The following SMARCD3 variants were observed in gnomAD, a reference collection of about 807,000 sequenced individuals.
The protein encoded by SMARCD3 is SWI/SNF-related matrix-associated actin-dependent regulator of chromatin subfamily D member 3.
In SMARCD3, 14 loss-of-function variants were observed where a neutral mutation model predicts 58.0. That is an observed-to-expected ratio of 0.24 (90% confidence interval 0.16 to 0.38). The LOEUF is 0.38. SMARCD3 is among the 10% of genes least tolerant of loss of function. The pLI, the probability that SMARCD3 is intolerant of heterozygous loss-of-function variation, is 1.00. For synonymous variants in SMARCD3, 253 were observed against 253.8 expected, an observed-to-expected ratio of 1.00 and a Z score of 0.03; for missense variants, 408 against 636.9, an observed-to-expected ratio of 0.64 and a Z score of 3.87.
At chr7:151,270,431 T>C (rs529199936) in intron 2 of SMARCD3, among the ~76,000 whole-genome samples, 2 of 152,296 alleles carry the variant, frequency 1.3e-5, no homozygotes, top group South Asian at 4.1e-4. Context: ...TGCTCATTCA[T>C]TCAAGAAATA....
chr7:151,258,454 A>C (rs1803778373), intron 2 of SMARCD3, among the ~76,000 whole-genome samples: 1 of 151,676 alleles, frequency 6.6e-6, no homozygotes, highest in African/African-American at 2.4e-5. Flanking sequence ...AATCCCAGCT[A>C]CTTGGGAGGC....
chr7:151,276,412 G>A (rs763256415), intron 1 of SMARCD3, among the ~76,000 whole-genome samples: 1 of 147,668 alleles, frequency 6.8e-6, no homozygotes, highest in Non-Finnish European at 1.5e-5. Context: ...GCAATGGGAG[G>A]AGGTGGTGCC....
chr7:151,249,256 G>T (rs1803427500), upstream of SMARCD3: 1 of 152,128 alleles, frequency 6.6e-6, no homozygotes, highest in Admixed American at 6.5e-5. The surrounding 1 kb of genome is among the most constrained non-coding windows in gnomAD (Gnocchi z 4.8). Context: ...TGCCCGGGCG[G>T]CGGCGTGGCC....
chr7:151,257,731 G>A (rs764729628), intron 2 of SMARCD3, among the ~76,000 whole-genome samples: 7 of 152,046 alleles, frequency 4.6e-5, no homozygotes, highest in Admixed American at 1.3e-4. Flanking sequence ...CTGAGTCCCC[G>A]GGGACCATCC....
upstream of SMARCD3, among the ~76,000 whole-genome samples, chr7:151,252,283 G>A (rs1803546059): frequency 6.6e-6 from 1 of 152,098 alleles, no homozygotes. Flanking sequence ...GGGAAGGGAG[G>A]AACAAAGGAA....
intron 1 of SMARCD3, among the ~76,000 whole-genome samples, chr7:151,276,425 A>G: frequency 7.6e-6 from 1 of 131,198 alleles, no homozygotes; most frequent in African/African-American, 2.9e-5. Flanking sequence ...GTGGTGCCAG[A>G]CAGGGGGAGG....
At chr7:151,265,727 AAGT>A (rs1804059547) in intron 2 of SMARCD3, among the ~76,000 whole-genome samples, 3 of 152,198 alleles carry the variant, frequency 2.0e-5, no homozygotes, top group Admixed American at 2.0e-4. Context: ...TAAAAGTGCC[AAGT>A]CACCGTTAAC....
intron 2 of SMARCD3, among the ~76,000 whole-genome samples, chr7:151,259,615 T>TTTGTTGTTTG (rs1554490165): frequency 7.1e-4 from 96 of 134,284 alleles, no homozygotes; most frequent in Middle Eastern, 3.7e-3. Flanking sequence ...TTTTTTTTTT[T>TTTGTTGTTTG]TTTTTTTTTT....
chr7:151,245,720 CA>C lies in SMARCD3; in HGVS notation c.79-50del. On this transcript the variant is annotated intron_variant, in intron 1 of 12. Transcript: ENST00000262188. This position sits in a 1 kb window ranked among gnomAD's most constrained non-coding sequence, Gnocchi z 6.2. Reference sequence around the variant, plus strand: ...AGAAACGGGCGCCCGTGGGTCAGACCAGGGCCCCCCGCTCCAGGCGCGGTGA... The same window carrying C: ...AGAAACGGGCGCCCGTGGGTCAGACCGGGCCCCCCGCTCCAGGCGCGGTGA... 1 of 447,892 alleles carries C rather than the reference CA, an allele frequency of 2.2e-6. No homozygotes were observed. Among genetic ancestry groups the C allele is most frequent in the Non-Finnish European group, 3.7e-6 (1 of 273,158 alleles). The allele number at this position is 447,892 out of a possible 1,614,324, so 27.7% of individuals were successfully genotyped here.
At chr7:151,272,283 G>C (rs1258854281) in intron 2 of SMARCD3, among the ~76,000 whole-genome samples, 2 of 152,142 alleles carry the variant, frequency 1.3e-5, no homozygotes, top group African/African-American at 4.8e-5. Context: ...GCTGGCATCG[G>C]GGTCTCTGGG....
intron 1 of SMARCD3, among the ~76,000 whole-genome samples, chr7:151,275,461 C>A (rs1204855509): frequency 6.6e-6 from 1 of 152,184 alleles, no homozygotes; most frequent in African/African-American, 2.4e-5. Context: ...GTGTGGGAAG[C>A]AGACAGAGAC....
intron 2 of SMARCD3, among the ~76,000 whole-genome samples, chr7:151,274,397 G>T (rs1795275906): frequency 6.6e-6 from 1 of 152,246 alleles, no homozygotes; most frequent in African/African-American, 2.4e-5. Context: ...GGGGACTGAT[G>T]CGGACAAATG....
At chr7:151,253,452 G>A (rs1803594282), upstream of SMARCD3, among the ~76,000 whole-genome samples, 1 of 152,210 alleles carries the variant, frequency 6.6e-6, no homozygotes, top group Non-Finnish European at 1.5e-5. Flanking sequence ...GCAGGCAGGT[G>A]CATGCGAAGG....
upstream of SMARCD3, among the ~76,000 whole-genome samples, chr7:151,250,647 T>C (rs1261768576): frequency 6.6e-6 from 1 of 151,976 alleles, no homozygotes; most frequent in Admixed American, 6.6e-5. Context: ...GATTTTTCTC[T>C]TCTCCAAATG....
chr7:151,248,499 G>A lies in SMARCD3; in HGVS notation c.64C>T (p.Leu22=), dbSNP rs1432404815. The stretch of plus-strand genomic sequence containing the variant: ...CCCCCACTCACCACCCCATGGACCA[G>A]AAACTCAAAAAGTTTGCTTTTCGTG... ...KATKSKLFEF[L]VHGVRPGMPS... is the part of the protein sequence containing the mutation. The change falls in exon 1 of 13, where the codon CTG becomes TTG. Residue 22 remains leucine, a synonymous_variant. Coordinates refer to ENST00000262188, the MANE Select transcript of SMARCD3 (RefSeq NM_001003801.2). The surrounding 1 kb of genome is among the most constrained non-coding windows in gnomAD (Gnocchi z 6.1). 6.2e-7 allele frequency: 1 copy of A among 1,612,212 alleles called. No individual in the cohort carries two copies. The highest frequency in any genetic ancestry group is 2.2e-5 in the East Asian group (1 of 44,758).
chr7:151,265,456 G>A (rs1377458965), intron 2 of SMARCD3, among the ~76,000 whole-genome samples: 1 of 152,244 alleles, frequency 6.6e-6, no homozygotes, highest in Non-Finnish European at 1.5e-5. Flanking sequence ...AATCTCTGTT[G>A]TTTAAGCTGC....
chr7:151,267,244 A>G (rs1584895563), intron 2 of SMARCD3, among the ~76,000 whole-genome samples: 2 of 152,136 alleles, frequency 1.3e-5, no homozygotes, highest in African/African-American at 4.8e-5. Flanking sequence ...GCATTATCCA[A>G]TTTGGTTCTC....
Position 151,240,217 on chromosome 7 carries a change from C to G in SMARCD3, c.1068G>C (p.Ala356=). The change falls in exon 10 of 13, where the codon GCG becomes GCC. Residue 356 remains alanine, a synonymous_variant. Transcript: ENST00000262188. ...SVDPSDQKKT[A]CYDIDVEVEE... is the part of the protein sequence containing the mutation. ...CCACCTCCACGTCAATGTCATAGCA[C>G]GCCGTCTTCTTCTGGTCTGAAGGGT... is the stretch of plus-strand genomic sequence containing the variant. 6.2e-7 allele frequency: 1 copy of G among 1,614,120 alleles called. No individual in the cohort carries two copies. The highest frequency in any genetic ancestry group is 8.5e-7 in the Non-Finnish European group (1 of 1,180,020).
intron 2 of SMARCD3, among the ~76,000 whole-genome samples, chr7:151,273,572 G>C (rs963197495): frequency 6.6e-6 from 1 of 152,192 alleles, no homozygotes; most frequent in African/African-American, 2.4e-5. Context: ...TTTTCTTTAT[G>C]AATTTCAGCT....
Sources: gnomAD v4.1 joint callset for allele counts (sites outside exome capture counted in the v4.1 genomes callset) on GRCh38, gnomAD v4.1.1 for gene constraint, Gnocchi (gnomAD v3.1) non-coding constraint, MANE v1.5 for transcripts, NCBI Gene and HGNC (gene_info 2026-07-23, HGNC 2026-07-21) for gene names.